Variants in CYP2R1 observed in about 807,000 individuals in gnomAD.
The protein encoded by CYP2R1 is cytochrome P450 family 2 subfamily R member 1, also known as vitamin D 25-hydroxylase.
CYP2R1 carries 40 observed loss-of-function variants against 45.7 expected under a neutral mutation model. That is an observed-to-expected ratio of 0.87 (90% confidence interval 0.68 to 1.14). The LOEUF (loss-of-function observed/expected upper bound fraction) is 1.14, where lower values mean the gene tolerates loss of function less well. Ranked by LOEUF, CYP2R1 falls within the 50% of genes most tolerant of loss-of-function variation. The pLI is 0.00. For synonymous variants in CYP2R1, 234 were observed against 219.3 expected (o/e 1.07, Z -0.59); for missense variants, 605 against 602.6 (o/e 1.00, Z -0.04).
At chr11:14,890,088 C>T (rs1183683321) in intron 1 of CYP2R1, among the ~76,000 whole-genome samples, 2 of 152,130 alleles carry the variant, frequency 1.3e-5, no homozygotes, top group Non-Finnish European at 2.9e-5. Flanking sequence ...GAGATGGCGT[C>T]ACTGCACTCC....
At chr11:14,891,028 C>T in intron 1 of CYP2R1, 1 of 985,422 alleles carries the variant, frequency 1.0e-6, no homozygotes, top group Non-Finnish European at 1.2e-6. Context: ...GCTGTATCTG[C>T]CTTCTTCACC....
At chr11:14,882,306 A>T (rs554047444) in intron 2 of CYP2R1, among the ~76,000 whole-genome samples, 12 of 152,276 alleles carry the variant, frequency 7.9e-5, no homozygotes, top group Non-Finnish European at 1.5e-5. Context: ...GATATAGGGT[A>T]GTCAGCAAAA....
intron 2 of CYP2R1, among the ~76,000 whole-genome samples, chr11:14,882,104 C>T (rs1357044869): frequency 6.6e-6 from 1 of 151,964 alleles, no homozygotes; most frequent in African/African-American, 2.4e-5. Flanking sequence ...TTCTATACTC[C>T]CAGATGACTA....
At chr11:14,890,120 C>G (rs186524669) in intron 1 of CYP2R1, among the ~76,000 whole-genome samples, 210 of 152,076 alleles carry the variant, frequency 1.4e-3, no homozygotes, top group Non-Finnish European at 2.4e-3. Context: ...CAGAGCAAGA[C>G]TCGTCTCAAA....
chr11:14,879,407 G>A lies in CYP2R1; in HGVS notation c.1037C>T (p.Pro346Leu), dbSNP rs1848286509. 6.2e-7 allele frequency: 1 copy of A among 1,606,054 alleles called. No individual in the cohort carries two copies. Among genetic ancestry groups the A allele is most frequent in the African/African-American group, 1.3e-5 (1 of 74,826 alleles). ...GTCGTCCCAAGAAGGCTTCCCATTA[G>A]GGCCCATAATTAAATCAATCTCTTT... The part of the protein sequence containing the change: ...VQKEIDLIMG[P>L]NGKPSWDDKC... The change falls in exon 4 of 5, where the codon CCT becomes CTT. Residue 346 changes from proline to leucine, a missense_variant. Physicochemically the swap from Pro to Leu is moderately conservative, Grantham distance 98. Transcript: ENST00000334636.
intron 1 of CYP2R1, chr11:14,886,546 G>C (rs1182650899): frequency 6.5e-6 from 1 of 153,196 alleles, no homozygotes; most frequent in African/African-American, 2.4e-5. Context: ...CTCAGTTAAG[G>C]GGAAGGCAAA....
At position 14,878,023 on chromosome 11, in the gene CYP2R1, G is replaced by T; in HGVS notation, c.*99C>A. The T allele has an allele frequency of 7.6e-7, 1 of 1,309,038 alleles. No individual in the cohort carries two copies. The highest frequency in any genetic ancestry group is 1.1e-6 in the Non-Finnish European group (1 of 929,410). 81.1% of individuals were successfully genotyped at this position (1,309,038 alleles called of 1,614,324 possible). ...ATCTGTGTTCATTTGGCTTTTTGAT[G>T]CTGTGACTTTTATTCTAATACACAC... On this transcript the variant is annotated 3_prime_UTR_variant, in exon 5 of 5. Coordinates refer to ENST00000334636, the MANE Select transcript of CYP2R1 (RefSeq NM_024514.5).
At chr11:14,886,001 G>C in intron 1 of CYP2R1, 84 bp from the exon 2 acceptor site, 1 of 1,334,068 alleles carries the variant, frequency 7.5e-7, no homozygotes, top group South Asian at 1.2e-5. Flanking sequence ...TGGTAAGTGC[G>C]GCTCTTCCAG....
intron 2 of CYP2R1, among the ~76,000 whole-genome samples, chr11:14,884,296 G>A (rs1390455576): frequency 7.2e-5 from 11 of 151,920 alleles, no homozygotes; most frequent in Non-Finnish European, 1.6e-4. Context: ...GTCCAAAAAT[G>A]ATAGACTGGA....
chr11:14,877,606 T>C lies in CYP2R1; in HGVS notation c.*516A>G, dbSNP rs1848207957. On this transcript the variant is annotated 3_prime_UTR_variant, in exon 5 of 5. Coordinates refer to ENST00000334636, the MANE Select transcript of CYP2R1 (RefSeq NM_024514.5). ...AAGCACTGGCAGGCTCTACATTAAA[T>C]ACATATTTCTTCTACCATCTCCCAC... The C allele has an allele frequency of 6.6e-6, 1 of 152,568 alleles. No homozygotes were observed. The highest frequency in any genetic ancestry group is 2.4e-5 in the African/African-American group (1 of 41,410). 9.5% of individuals were successfully genotyped at this position (152,568 alleles called of 1,614,324 possible). A position where few individuals can be genotyped will look rare whatever the true frequency, so the allele number is the denominator to read the frequency against.
At chr11:14,880,823 TGAAAG>T in intron 2 of CYP2R1, 55 bp from the exon 3 acceptor site, 1 of 1,523,562 alleles carries the variant, frequency 6.6e-7, no homozygotes, top group South Asian at 1.3e-5. Context: ...ATCTAAAAAA[TGAAAG>T]GGAACAAAAT....
At chr11:14,878,836 GTTACTGAATTCTCATTCCACAAGTT>G (rs1214041919) in intron 4 of CYP2R1, among the ~76,000 whole-genome samples, 10 of 152,028 alleles carry the variant, frequency 6.6e-5, no homozygotes, top group Non-Finnish European at 1.5e-4. Context: ...CAAGCTACCT[GTTACTGAATTCTCATTCCACAAGTT>G]TTGAAAAACA....
At chr11:14,890,838 G>A (rs1286625970) in intron 1 of CYP2R1, 3 of 984,324 alleles carry the variant, frequency 3.0e-6, no homozygotes, top group East Asian at 1.1e-4. Flanking sequence ...GTGAGCCACC[G>A]CGCCCGGGCA....
chr11:14,878,319 A>G (rs1848236543), intron 4 of CYP2R1, 22 bp from the exon 5 acceptor site: 1 of 1,611,174 alleles, frequency 6.2e-7, no homozygotes, highest in Non-Finnish European at 8.5e-7. Flanking sequence ...AAGCAGATAC[A>G]ATAATTTTTT....
rs781928193 is a variant in CYP2R1, at chr11:14,885,761, T to C, written c.367+15A>G. 1 of 1,611,086 alleles carries C rather than the reference T, an allele frequency of 6.2e-7. No homozygotes were observed. Among genetic ancestry groups the C allele is most frequent in the Non-Finnish European group, 8.5e-7 (1 of 1,179,006 alleles). ...ATATCTTAGTAAATCACTAAATAGG[T>C]GCAAATAAACATACCTCCCATTTTT... is the stretch of plus-strand genomic sequence containing the variant. On this transcript the variant is annotated intron_variant, in intron 2 of 4. Coordinates refer to ENST00000334636, the MANE Select transcript of CYP2R1 (RefSeq NM_024514.5).
At chr11:14,886,049 T>C in intron 1 of CYP2R1, 132 bp from the exon 2 acceptor site, 1 of 844,578 alleles carries the variant, frequency 1.2e-6, no homozygotes, top group South Asian at 1.5e-5. Flanking sequence ...CAGTTATTAC[T>C]CAACTGACAA....
At position 14,890,926 on chromosome 11, in the gene CYP2R1, C is replaced by A. The variant is rs552710353; in HGVS notation, c.225+1055G>T. On this transcript the variant is annotated intron_variant, in intron 1 of 4. Coordinates refer to ENST00000334636, the MANE Select transcript of CYP2R1 (RefSeq NM_024514.5). ...TGAAATACCACAGTTGCCAAACATC[C>A]CTGTACTTTTCCTTCAAAACACTGA... 1.1e-3 allele frequency: 1,116 copies of A among 985,354 alleles called. 1 individual carries two copies. The highest frequency in any genetic ancestry group is 1.6e-3 in the South Asian group (34 of 21,274). 61.0% of individuals were successfully genotyped at this position (985,354 alleles called of 1,614,324 possible). A position where few individuals can be genotyped will look rare whatever the true frequency, so the allele number is the denominator to read the frequency against.
In CYP2R1 at chr11:14,885,917, TC is replaced by T; in HGVS notation, c.226-1del. 6.2e-7 allele frequency: 1 copy of T among 1,613,214 alleles called. No homozygotes were observed. ...ATGCCTCCAAGATCTAAACTGAAGA[TC>T]TTTGAGAAGAGAAGAAAAACAACAT... is the stretch of plus-strand genomic sequence containing the variant. On this transcript the variant is annotated splice_acceptor_variant, in intron 1 of 4. Transcript: ENST00000334636.
At chr11:14,885,729 A>T (rs1848589995) in intron 2 of CYP2R1, 47 bp downstream of exon 2, 1 of 1,589,214 alleles carries the variant, frequency 6.3e-7, no homozygotes, top group Non-Finnish European at 8.6e-7. Context: ...AAGGAATGTG[A>T]TTTAAAATAT....
Sources: allele counts gnomAD v4.1 joint callset (sites outside exome capture counted in the v4.1 genomes callset), GRCh38; gene constraint gnomAD v4.1.1; transcripts MANE v1.5; gene names NCBI Gene and HGNC (gene_info 2026-07-23, HGNC 2026-07-21).